The following CLDN16 variants were observed in gnomAD, a reference collection of about 807,000 sequenced individuals.
The protein encoded by CLDN16 is claudin-16.
In CLDN16, 13 loss-of-function variants were observed where a neutral mutation model predicts 24.6. That is an observed-to-expected ratio of 0.53 (90% CI 0.34 to 0.84). CLDN16 has a LOEUF of 0.84. CLDN16 is among the 40% of genes least tolerant of loss of function. The pLI, the probability that CLDN16 is intolerant of heterozygous loss-of-function variation, is 0.01. For missense variants in CLDN16, 298 were observed against 292.7 expected (o/e 1.02, Z -0.13); for synonymous variants, 116 against 106.7 (o/e 1.09, Z -0.54).
upstream of CLDN16, among the ~76,000 whole-genome samples, chr3:190,385,570 A>T (rs940202363): frequency 4.9e-4 from 74 of 150,738 alleles, 1 homozygote; most frequent in Admixed American, 4.9e-3. Flanking sequence ...TATAGTCTAG[A>T]TTTTTTTTTT....
At chr3:190,399,473 G>T (rs1282530004) in intron 1 of CLDN16, among the ~76,000 whole-genome samples, 1 of 152,036 alleles carries the variant, frequency 6.6e-6, no homozygotes, top group Non-Finnish European at 1.5e-5. Context: ...TCGCGCCATT[G>T]CACTCCAGCC....
At chr3:190,304,795 G>T in the CLDN16 span, among the ~76,000 whole-genome samples, 3 of 152,262 alleles carry the variant, frequency 2.0e-5, no homozygotes, top group Admixed American at 2.0e-4. Context: ...ATAATGACAG[G>T]CTGAAAAAGG....
At chr3:190,300,253 C>T in the CLDN16 span, among the ~76,000 whole-genome samples, 1 of 149,904 alleles carries the variant, frequency 6.7e-6, no homozygotes, top group Non-Finnish European at 1.5e-5. Flanking sequence ...TTTAACAGCT[C>T]ACAGATAATG....
At chr3:190,304,449 T>A in the CLDN16 span, among the ~76,000 whole-genome samples, 2 of 152,180 alleles carry the variant, frequency 1.3e-5, no homozygotes, top group East Asian at 3.8e-4. Flanking sequence ...TAAATTCATA[T>A]CTAGTTTTCA....
At chr3:190,348,882 A>G (rs1426950356) in intron 1 of CLDN16, among the ~76,000 whole-genome samples, 2 of 152,056 alleles carry the variant, frequency 1.3e-5, no homozygotes, top group African/African-American at 4.8e-5. Context: ...TGTTCTCATC[A>G]TTTAGCTCCC....
At chr3:190,381,595 T>C (rs1156572362) in intron 3 of CLDN16, among the ~76,000 whole-genome samples, 3 of 152,134 alleles carry the variant, frequency 2.0e-5, no homozygotes, top group Admixed American at 6.6e-5. Context: ...CCTGATGTGA[T>C]TTAGCACCAG....
chr3:190,293,545 G>C, the CLDN16 span, among the ~76,000 whole-genome samples: 2 of 152,104 alleles, frequency 1.3e-5, no homozygotes, highest in African/African-American at 4.8e-5. Context: ...GACCATGAGT[G>C]GACAAGGATT....
At chr3:190,344,389 A>C (rs113430662) in intron 1 of CLDN16, among the ~76,000 whole-genome samples, 7,182 of 151,928 alleles carry the variant, frequency 0.047, 569 homozygotes, top group African/African-American at 0.16. Context: ...GCTATTAAAT[A>C]TTATTTAAAC....
chr3:190,303,507 CT>C, the CLDN16 span, among the ~76,000 whole-genome samples: 6 of 151,958 alleles, frequency 3.9e-5, no homozygotes, highest in East Asian at 1.2e-3. Flanking sequence ...TGTGTGTTCA[CT>C]TTTTTTTCTA....
At chr3:190,308,540 T>C in the CLDN16 span, 1 of 1,136,874 alleles carries the variant, frequency 8.8e-7, no homozygotes, top group Non-Finnish European at 1.3e-6. Context: ...ATTTTTTTCA[T>C]TGAAAATAAC....
At chr3:190,383,822 A>G (rs1445837143), upstream of CLDN16, among the ~76,000 whole-genome samples, 5 of 152,234 alleles carry the variant, frequency 3.3e-5, no homozygotes, top group Non-Finnish European at 7.3e-5. Context: ...ACACACAAAC[A>G]TACATACATA....
the CLDN16 span, among the ~76,000 whole-genome samples, chr3:190,303,660 G>A: frequency 5.9e-5 from 9 of 152,140 alleles, no homozygotes; most frequent in Non-Finnish European, 1.2e-4. Flanking sequence ...GCACATTAAA[G>A]AGAATAACTC....
At chr3:190,386,715 G>A (rs187626844), upstream of CLDN16, among the ~76,000 whole-genome samples, 5 of 152,160 alleles carry the variant, frequency 3.3e-5, no homozygotes, top group African/African-American at 1.2e-4. Context: ...TGGATAGCAG[G>A]GGTGGTACTG....
At chr3:190,403,931 A>G (rs1277664035) in intron 2 of CLDN16, among the ~76,000 whole-genome samples, 1 of 152,192 alleles carries the variant, frequency 6.6e-6, no homozygotes, top group Admixed American at 6.5e-5. Flanking sequence ...ATTAAAAAAA[A>G]TTTAAAACTT....
chr3:190,402,533 C>T, intron 2 of CLDN16, 94 bp downstream of exon 2: 1 of 963,008 alleles, frequency 1.0e-6, no homozygotes, highest in East Asian at 2.4e-5. Context: ...TTCTATTGTA[C>T]TATATTAAGG....
chr3:190,362,223 A>T (rs962064215), intron 1 of CLDN16, among the ~76,000 whole-genome samples: 1 of 151,842 alleles, frequency 6.6e-6, no homozygotes, highest in Admixed American at 6.6e-5. Flanking sequence ...CCTGGGTGTT[A>T]CTCCAGACAG....
upstream of CLDN16, among the ~76,000 whole-genome samples, chr3:190,384,558 T>A (rs1402412479): frequency 6.6e-6 from 1 of 152,148 alleles, no homozygotes; most frequent in Non-Finnish European, 1.5e-5. Context: ...AGTAGGAACA[T>A]GGTGCATAAT....
the CLDN16 span, chr3:190,312,832 A>G: frequency 2.5e-6 from 4 of 1,606,478 alleles, no homozygotes; most frequent in African/African-American, 5.4e-5. Flanking sequence ...CATACCAGGA[A>G]CAGGTTAGTA....
chr3:190,383,510 T>C (rs1018158955), upstream of CLDN16, among the ~76,000 whole-genome samples: 1 of 152,176 alleles, frequency 6.6e-6, no homozygotes, highest in Non-Finnish European at 1.5e-5. Context: ...ATTTGGCCTA[T>C]GTACAGGGGT....
Sources: gnomAD v4.1 joint callset for allele counts (sites outside exome capture counted in the v4.1 genomes callset) on GRCh38, gnomAD v4.1.1 for gene constraint, MANE v1.5 for transcripts, NCBI Gene and HGNC (gene_info 2026-07-23, HGNC 2026-07-21) for gene names.